The following PIGV variants were observed in gnomAD, a reference collection of about 807,000 sequenced individuals.
The protein encoded by PIGV is phosphatidylinositol glycan anchor biosynthesis class V.
A neutral mutation model predicts 39.2 loss-of-function variants in PIGV; 27 were observed. The observed-to-expected ratio is 0.69, with a 90% CI of 0.51 to 0.95. The LOEUF (loss-of-function observed/expected upper bound fraction) is 0.95, where lower values mean the gene tolerates loss of function less well. Among genes scored for constraint, PIGV ranks in the 40% least tolerant of loss-of-function variants. The probability of loss-of-function intolerance (pLI) is 0.00; values close to 1 mark genes in which losing one functional copy is unlikely to be tolerated. For synonymous variants in PIGV, 232 were observed against 241.7 expected (o/e 0.96, Z 0.37); for missense variants, 523 against 586.4 (o/e 0.89, Z 1.12).
Position 26,795,208 on chromosome 1 carries a change from T to C in PIGV, c.1174T>C (p.Phe392Leu). Residue 392 changes from phenylalanine (F) to leucine (L), a missense_variant, in exon 3 of 4, where the codon TTT (phenylalanine) becomes CTT (leucine). Coordinates refer to ENST00000674202, the MANE Select transcript of PIGV (RefSeq NM_017837.4). ...YVVHAAVLLL[F>L]GGLCMHVQVL... Reference sequence around the variant, plus strand: ...GGTCCACGCTGCAGTGCTGCTGCTGTTTGGAGGTCTGTGCATGCATGTTCA... The same window carrying C: ...GGTCCACGCTGCAGTGCTGCTGCTGCTTGGAGGTCTGTGCATGCATGTTCA... The C allele has an allele frequency of 6.2e-7, 1 of 1,613,826 alleles. No homozygotes were observed. Among genetic ancestry groups the C allele is most frequent in the South Asian group, 1.1e-5 (1 of 91,080 alleles).
Position 26,793,736 on chromosome 1 carries a change from G to A in PIGV, c.79-377G>A, listed in dbSNP as rs141415165. 1.1e-4 allele frequency among the ~76,000 whole-genome samples: 16 copies of A among 152,066 alleles called. No homozygotes were observed. The East Asian group carries it at 2.3e-3, about 22-fold the overall frequency. Reference sequence around the variant, plus strand: ...CCCATCTCAGCCCCCCCAAGTAGCTGGGACTACAGGCATGTGCCACCACAC... The same window carrying A: ...CCCATCTCAGCCCCCCCAAGTAGCTAGGACTACAGGCATGTGCCACCACAC... On this transcript the variant is annotated intron_variant, in intron 2 of 3. Coordinates refer to ENST00000674202, the MANE Select transcript of PIGV (RefSeq NM_017837.4).
intron 3 of PIGV, among the ~76,000 whole-genome samples, chr1:26,796,732 T>C (rs1254447946): frequency 6.6e-6 from 1 of 152,220 alleles, no homozygotes; most frequent in Non-Finnish European, 1.5e-5. Context: ...ACAGTTATAG[T>C]TATATCCATA....
chr1:26,795,616 C>T (rs937522246), intron 3 of PIGV, among the ~76,000 whole-genome samples: 2 of 143,550 alleles, frequency 1.4e-5, no homozygotes, highest in Non-Finnish European at 3.0e-5. Context: ...AAGGCTGAGG[C>T]AGAAAATTGC....
chr1:26,798,450 A>G lies in PIGV; in HGVS notation c.*606A>G, dbSNP rs1385232554. On this transcript the variant is annotated 3_prime_UTR_variant, in exon 4 of 4. Coordinates refer to ENST00000674202, the MANE Select transcript of PIGV (RefSeq NM_017837.4). Reference sequence around the variant, plus strand: ...ATACAGGCCAGGCACGACGTTTCACACTGTAATCCCAGCACTTTGTGATGC... The same window carrying G: ...ATACAGGCCAGGCACGACGTTTCACGCTGTAATCCCAGCACTTTGTGATGC... The G allele has an allele frequency of 1.9e-5, 3 of 155,746 alleles. No individual in the cohort carries two copies. The highest frequency in any genetic ancestry group is 2.8e-5 in the Non-Finnish European group (2 of 70,276). 9.6% of individuals were successfully genotyped at this position (155,746 alleles called of 1,614,324 possible). A position where few individuals can be genotyped will look rare whatever the true frequency, so the allele number is the denominator to read the frequency against.
chr1:26,790,827 G>A lies in PIGV; in HGVS notation c.12G>A (p.Gln4=), dbSNP rs748066110. The change falls in exon 2 of 4, where the codon CAG becomes CAA. Residue 4 remains glutamine, a synonymous_variant. Coordinates refer to ENST00000674202, the MANE Select transcript of PIGV (RefSeq NM_017837.4). MWP[Q]DPSRKEVLRF... ...CTGGTGGTGAAAGGATGTGGCCCCA[G>A]GACCCATCCCGGAAGGAGGTGCTGA... 1 of 1,613,974 alleles carries A rather than the reference G, an allele frequency of 6.2e-7. No homozygotes were observed. The highest frequency in any genetic ancestry group is 8.5e-7 in the Non-Finnish European group (1 of 1,179,950).
intron 2 of PIGV, among the ~76,000 whole-genome samples, chr1:26,791,371 C>A (rs957798599): frequency 2.0e-5 from 3 of 152,162 alleles, no homozygotes; most frequent in African/African-American, 7.2e-5. Flanking sequence ...CCTATTCCCC[C>A]GAGTGCCTGC....
intron 1 of PIGV, among the ~76,000 whole-genome samples, chr1:26,789,633 AAGCAAT>A (rs756771000): frequency 4.6e-5 from 7 of 152,342 alleles, no homozygotes; most frequent in South Asian, 4.1e-4. Flanking sequence ...CAACTTAAAT[AAGCAAT>A]AGCAATAACG....
At chr1:26,790,242 T>C (rs890876362) in intron 1 of PIGV, among the ~76,000 whole-genome samples, 3 of 152,212 alleles carry the variant, frequency 2.0e-5, no homozygotes, top group African/African-American at 7.2e-5. Context: ...TTGGGGACTC[T>C]GGTTTGGGAC....
Position 26,794,525 on chromosome 1 carries a change from T to G in PIGV, c.491T>G (p.Leu164Arg). The G allele has an allele frequency of 1.2e-6, 2 of 1,614,278 alleles. No individual in the cohort carries two copies. The highest frequency in any genetic ancestry group is 1.7e-6 in the Non-Finnish European group (2 of 1,180,046). Reference protein sequence around the residue: ...LFCLSPANVFLAAGYSEALFA... With the variant: ...LFCLSPANVFRAAGYSEALFA... ...TGTCTCAGCCCTGCCAATGTCTTCCTGGCAGCTGGTTACTCAGAAGCTTTG... is the reference window on the plus strand; with the variant it reads ...TGTCTCAGCCCTGCCAATGTCTTCCGGGCAGCTGGTTACTCAGAAGCTTTG... Residue 164 changes from leucine to arginine, a missense_variant, in exon 3 of 4, where the codon CTG (leucine) becomes CGG (arginine). Leu to Arg is a moderately radical substitution (Grantham distance 102). Coordinates refer to ENST00000674202, the MANE Select transcript of PIGV (RefSeq NM_017837.4).
chr1:26,794,262 G>T lies in PIGV; in HGVS notation c.228G>T (p.Glu76Asp), dbSNP rs1229853041. 1 of 1,614,212 alleles carries T rather than the reference G, an allele frequency of 6.2e-7. No homozygotes were observed. The highest frequency in any genetic ancestry group is 2.2e-5 in the East Asian group (1 of 44,884). ...WDAEHFLFIA[E>D]HGYLYEHNFA... ...CTGAACACTTCTTGTTCATTGCTGA[G>T]CATGGCTACCTGTATGAGCACAACT... The change falls in exon 3 of 4, where the codon GAG (glutamate) becomes GAT (aspartate). Residue 76 changes from glutamate (E) to aspartate (D), a missense_variant. Transcript: ENST00000674202.
At chr1:26,791,360 TC>T (rs2081307031) in intron 2 of PIGV, among the ~76,000 whole-genome samples, 2 of 152,178 alleles carry the variant, frequency 1.3e-5, no homozygotes, top group African/African-American at 4.8e-5. Context: ...TAATAGTTCC[TC>T]CTATTCCCCC....
chr1:26,795,157 C>T lies in PIGV; in HGVS notation c.1123C>T (p.Leu375Phe). The change falls in exon 3 of 4, where the codon CTC becomes TTC. Residue 375 changes from leucine to phenylalanine, a missense_variant. Physicochemically the swap from Leu to Phe is conservative, Grantham distance 22. Coordinates refer to ENST00000674202, the MANE Select transcript of PIGV (RefSeq NM_017837.4). ...KTLEKPDLGF[L>F]SPQVFVYVVH... ...CCTAGAGAAGCCCGATCTTGGATTC[C>T]TCAGTCCTCAGGTGTTTGTGTACGT... 1 of 1,614,074 alleles carries T rather than the reference C, an allele frequency of 6.2e-7. No individual in the cohort carries two copies.
rs2081425090 is a variant in PIGV, at chr1:26,799,263, A to G, written c.*1419A>G. 6.6e-6 allele frequency among the ~76,000 whole-genome samples: 1 copy of G among 152,200 alleles called. No individual in the cohort carries two copies. The highest frequency in any genetic ancestry group is 2.1e-4 in the South Asian group (1 of 4,822). ...CAGTAGACATGGGTCAGAGGCGCCA[A>G]CACGGCGGCAGGAATTGGTAAATTG... is the stretch of plus-strand genomic sequence containing the variant. On this transcript the variant is annotated 3_prime_UTR_variant, in exon 4 of 4. Transcript: ENST00000674202.
intron 2 of PIGV, among the ~76,000 whole-genome samples, chr1:26,793,088 T>G (rs1373290569): frequency 3.3e-5 from 5 of 152,200 alleles, no homozygotes; most frequent in Admixed American, 1.3e-4. Flanking sequence ...TCCTCTTCTC[T>G]AAGGCTGGCT....
rs149582139 is a variant in PIGV, at chr1:26,794,380, C to T, written c.346C>T (p.Leu116=). 2.4e-5 allele frequency: 38 copies of T among 1,614,140 alleles called. No individual in the cohort carries two copies. The highest frequency in any genetic ancestry group is 3.1e-5 in the Non-Finnish European group (36 of 1,180,054). Reference sequence around the variant, plus strand: ...GTTACTGAGTCTACGCAGTTGCCTGCTGATTTCGGTAGCATCACTCAATTT... The same window carrying T: ...GTTACTGAGTCTACGCAGTTGCCTGTTGATTTCGGTAGCATCACTCAATTT... The part of the protein sequence containing the change: ...RGLLSLRSCL[L]ISVASLNFLF... Residue 116 remains leucine (L), a synonymous_variant, in exon 3 of 4, where the codon CTG becomes TTG. Coordinates refer to ENST00000674202, the MANE Select transcript of PIGV (RefSeq NM_017837.4).
intron 3 of PIGV, 124 bp downstream of exon 3, chr1:26,795,358 T>C: frequency 5.2e-6 from 6 of 1,148,956 alleles, no homozygotes; most frequent in Non-Finnish European, 7.7e-6. Context: ...ATTCAATGAC[T>C]ATTTAGGGTT....
chr1:26,790,689 T>G lies in PIGV; in HGVS notation c.-57-70T>G, dbSNP rs1360293487. On this transcript the variant is annotated intron_variant, in intron 1 of 3. Coordinates refer to ENST00000674202, the MANE Select transcript of PIGV (RefSeq NM_017837.4). ...GTCATAGTAATTCTGAGAGGGGAGGTTCCAGTGACGAATGCTTTCAAGAAT... is the reference window on the plus strand; with the variant it reads ...GTCATAGTAATTCTGAGAGGGGAGGGTCCAGTGACGAATGCTTTCAAGAAT... 5 of 727,924 alleles carry G rather than the reference T, an allele frequency of 6.9e-6. No homozygotes were observed. In the East Asian group the frequency reaches 1.3e-4, roughly 19 times the overall value. 45.1% of individuals were successfully genotyped at this position (727,924 alleles called of 1,614,324 possible). A position where few individuals can be genotyped will look rare whatever the true frequency, so the allele number is the denominator to read the frequency against.
At position 26,800,268 on chromosome 1, in the gene PIGV, T is replaced by G. The variant is rs910227784; in HGVS notation, c.*2424T>G. On this transcript the variant is annotated 3_prime_UTR_variant, in exon 4 of 4. Coordinates refer to ENST00000674202, the MANE Select transcript of PIGV (RefSeq NM_017837.4). The stretch of plus-strand genomic sequence containing the variant: ...TCCTTTTACCATCCTATTAACAGTC[T>G]CTTTAATAGTCTGGGAGAGGGACAT... 2.0e-5 allele frequency among the ~76,000 whole-genome samples: 3 copies of G among 152,142 alleles called. No individual in the cohort carries two copies. The highest frequency in any genetic ancestry group is 2.0e-4 in the Admixed American group (3 of 15,268).
chr1:26,790,699 G>A (rs1284410236), intron 1 of PIGV, 60 bp from the exon 2 acceptor site: 1 of 791,694 alleles, frequency 1.3e-6, no homozygotes. Context: ...TTCCAGTGAC[G>A]AATGCTTTCA....
Sources: gnomAD v4.1 joint callset for allele counts (sites outside exome capture counted in the v4.1 genomes callset) on GRCh38, gnomAD v4.1.1 for gene constraint, MANE v1.5 for transcripts, NCBI Gene and HGNC (gene_info 2026-07-23, HGNC 2026-07-21) for gene names.